The following VRK2 variants were observed in gnomAD, a reference collection of about 807,000 sequenced individuals.
VRK2 encodes the protein VRK serine/threonine kinase 2.
VRK2 carries 60 observed loss-of-function variants against 57.6 expected under a neutral mutation model. The ratio of observed to expected loss-of-function variants is 1.04; its 90% CI spans 0.85 to 1.29. VRK2 has a LOEUF of 1.29. VRK2 is among the 50% of genes most tolerant of loss of function. The probability of loss-of-function intolerance (pLI) is 0.00; values close to 1 mark genes in which losing one functional copy is unlikely to be tolerated. For synonymous variants in VRK2, 231 were observed against 199.2 expected (o/e 1.16, Z -1.35); for missense variants, 705 against 588.1 (o/e 1.20, Z -2.06).
intron 1 of VRK2, among the ~76,000 whole-genome samples, chr2:57,935,302 A>G (rs535477073): frequency 1.5e-4 from 22 of 149,592 alleles, no homozygotes; most frequent in South Asian, 8.8e-4. Flanking sequence ...GCCATTCTAC[A>G]CCTATTGATT....
intron 1 of VRK2, among the ~76,000 whole-genome samples, chr2:58,015,941 AG>A (rs1368131693): frequency 6.6e-6 from 1 of 151,928 alleles, no homozygotes; most frequent in African/African-American, 2.4e-5. Context: ...TTTTTCTTAT[AG>A]CTAGCTTTTT....
chr2:57,930,822 A>G (rs1010923226), intron 1 of VRK2, among the ~76,000 whole-genome samples: 5 of 152,138 alleles, frequency 3.3e-5, no homozygotes, highest in African/African-American at 1.2e-4. Flanking sequence ...AAAATACCAC[A>G]TATAAGAGAT....
chr2:58,075,580 T>G (rs1427952602), intron 2 of VRK2, among the ~76,000 whole-genome samples: 5 of 152,190 alleles, frequency 3.3e-5, no homozygotes, highest in Non-Finnish European at 7.4e-5. Context: ...ATAGTCATCC[T>G]GACTGGTACA....
intron 1 of VRK2, among the ~76,000 whole-genome samples, chr2:57,911,548 C>T (rs928736775): frequency 3.9e-5 from 6 of 152,154 alleles, no homozygotes; most frequent in African/African-American, 7.2e-5. Flanking sequence ...AAGTGGACTT[C>T]CACCTTTGTT....
chr2:57,945,725 G>C (rs762583473), intron 1 of VRK2, among the ~76,000 whole-genome samples: 2 of 152,100 alleles, frequency 1.3e-5, no homozygotes, highest in Non-Finnish European at 2.9e-5. Flanking sequence ...ACCAAGAAAG[G>C]ACTGCAAGCT....
rs397868874 is a variant in VRK2 at position 58,120,184 on chromosome 2, CTTTTTTT to C, written c.544-2899_544-2893del. Reference sequence around the variant, plus strand: ...CTTTTTGTCTATTTTTTTTTCTTTTCTTTTTTTTTTTTTTTTTTTTTTTTGAGACAGA... The same window carrying C: ...CTTTTTGTCTATTTTTTTTTCTTTTCTTTTTTTTTTTTTTTTTGAGACAGA... On this transcript the variant is annotated intron_variant, in intron 7 of 12. Coordinates refer to ENST00000340157, the MANE Select transcript of VRK2 (RefSeq NM_006296.7). Among the ~76,000 whole-genome samples the C allele has an allele frequency of 8.7e-3, 452 of 52,000 alleles. 8 individuals are homozygous for C. The highest frequency in any genetic ancestry group is 0.041 in the African/African-American group (399 of 9,654). The allele number at this position is 52,000 out of a possible 152,430, so 34.1% of individuals were successfully genotyped here.
chr2:58,159,605 G>A lies in VRK2; in HGVS notation c.1439G>A (p.Ser480Asn). The change falls in exon 13 of 13, where the codon AGT becomes AAT. Residue 480 changes from serine to asparagine, a missense_variant. Coordinates refer to ENST00000340157, the MANE Select transcript of VRK2 (RefSeq NM_006296.7). The stretch of plus-strand genomic sequence containing the variant: ...CCTACAATTTCCCAGTTTACTCTTA[G>A]TGAAGAGACAAACGCAGATGTTTAT... Reference protein sequence around the residue: ...LWPTISQFTLSEETNADVYYY... With the variant: ...LWPTISQFTLNEETNADVYYY... 1 of 1,613,780 alleles carries A rather than the reference G, an allele frequency of 6.2e-7. No homozygotes were observed. Among genetic ancestry groups the A allele is most frequent in the Non-Finnish European group, 8.5e-7 (1 of 1,179,794 alleles).
At chr2:57,985,388 T>C (rs1011313191) in intron 1 of VRK2, among the ~76,000 whole-genome samples, 37 of 152,206 alleles carry the variant, frequency 2.4e-4, no homozygotes, top group African/African-American at 8.9e-4. Flanking sequence ...GTGGCTATTT[T>C]GTAAATAAAA....
intron 1 of VRK2, among the ~76,000 whole-genome samples, chr2:57,967,430 C>T (rs1671957869): frequency 6.6e-6 from 1 of 151,332 alleles, no homozygotes; most frequent in Non-Finnish European, 1.5e-5. Flanking sequence ...TTTTTTAACA[C>T]ATCAGAAGGT....
upstream of VRK2, among the ~76,000 whole-genome samples, chr2:58,045,968 C>T (rs1366306632): frequency 2.0e-5 from 3 of 152,218 alleles, no homozygotes; most frequent in East Asian, 3.9e-4. Flanking sequence ...CTCAGCCTGC[C>T]GAGTAGCTGG....
intron 2 of VRK2, among the ~76,000 whole-genome samples, chr2:58,056,000 C>T (rs1676458435): frequency 1.3e-5 from 2 of 152,014 alleles, no homozygotes; most frequent in South Asian, 4.2e-4. Flanking sequence ...ATAAACTTTG[C>T]TTCTTGAATA....
chr2:58,122,769 C>T (rs11125742), intron 7 of VRK2, among the ~76,000 whole-genome samples: 33,941 of 151,918 alleles, frequency 0.22, 4,135 homozygotes, highest in African/African-American at 0.33. Flanking sequence ...GCAGAGCCTC[C>T]TCAACTGTGT....
chr2:58,018,338 G>GT (rs1399667623), intron 1 of VRK2, among the ~76,000 whole-genome samples: 3 of 152,106 alleles, frequency 2.0e-5, no homozygotes, highest in African/African-American at 7.2e-5. Context: ...ATTAAATTTG[G>GT]TCCAGTTCTG....
chr2:58,042,030 A>G (rs557665114), upstream of VRK2, among the ~76,000 whole-genome samples: 1 of 152,176 alleles, frequency 6.6e-6, no homozygotes, highest in African/African-American at 2.4e-5. Flanking sequence ...TAGCCCAACC[A>G]TCCTGGGCAC....
At chr2:58,023,462 T>C (rs560648664) in intron 1 of VRK2, among the ~76,000 whole-genome samples, 3 of 152,336 alleles carry the variant, frequency 2.0e-5, no homozygotes, top group South Asian at 4.1e-4. Context: ...TTGTGAGTAA[T>C]GTTGCTATGA....
intron 7 of VRK2, among the ~76,000 whole-genome samples, chr2:58,096,477 A>G (rs529827281): frequency 4.0e-5 from 6 of 151,822 alleles, no homozygotes; most frequent in Admixed American, 3.3e-4. Flanking sequence ...TTTAGTTGTT[A>G]TTCATGTTAT....
intron 1 of VRK2, among the ~76,000 whole-genome samples, chr2:58,002,370 C>T (rs538558547): frequency 4.0e-5 from 6 of 151,870 alleles, no homozygotes; most frequent in Non-Finnish European, 8.8e-5. Context: ...CCCAGCTACT[C>T]GGGAGGCTGA....
At chr2:57,950,613 T>C (rs1470969616) in intron 1 of VRK2, among the ~76,000 whole-genome samples, 2 of 152,252 alleles carry the variant, frequency 1.3e-5, no homozygotes, top group African/African-American at 4.8e-5. Flanking sequence ...GTTGTCTTCG[T>C]GCCTGCTAAC....
chr2:58,132,001 C>G, intron 9 of VRK2, 73 bp downstream of exon 9: 1 of 1,552,188 alleles, frequency 6.4e-7, no homozygotes, highest in Non-Finnish European at 8.7e-7. Context: ...GCTAACAACA[C>G]AGAGAAGATT....
Sources: allele counts gnomAD v4.1 joint callset (sites outside exome capture counted in the v4.1 genomes callset), GRCh38; gene constraint gnomAD v4.1.1; transcripts MANE v1.5; gene names NCBI Gene and HGNC (gene_info 2026-07-23, HGNC 2026-07-21).